The following ADCY1 variants were observed in gnomAD, a reference collection of about 807,000 sequenced individuals.
ADCY1 encodes adenylate cyclase type 1.
ADCY1 carries 28 observed loss-of-function variants against 105.4 expected under a neutral mutation model. That is an observed-to-expected ratio of 0.27 (90% CI 0.20 to 0.36). ADCY1 has a LOEUF of 0.36. Ranked by LOEUF, ADCY1 falls within the 10% of genes least tolerant of loss-of-function variation. The pLI is 1.00. For missense variants in ADCY1, 977 were observed against 1,434.2 expected, an observed-to-expected ratio of 0.68 and a Z score of 5.15; for synonymous variants, 655 against 623.8, an observed-to-expected ratio of 1.05 and a Z score of -0.75.
At chr7:45,664,771 T>A (rs1795225518) in intron 8 of ADCY1, 1 of 189,612 alleles carries the variant, frequency 5.3e-6, no homozygotes, top group African/African-American at 2.3e-5. Context: ...GATTTTTTGG[T>A]CCTTATTTTA....
chr7:45,622,881 C>G lies in ADCY1; in HGVS notation c.1020+138C>G, dbSNP rs982356829. 4 of 693,008 alleles carry G rather than the reference C, an allele frequency of 5.8e-6. No individual in the cohort carries two copies. The African/African-American group carries it at 7.1e-5, about 12-fold the overall frequency. 42.9% of individuals were successfully genotyped at this position (693,008 alleles called of 1,614,324 possible). A position where few individuals can be genotyped will look rare whatever the true frequency, so the allele number is the denominator to read the frequency against. ...TTCTTCCAGCAAGGTTATAAATCACCTGTTGTTTTTAGCCTCACTGTTCAT... is the reference window on the plus strand; with the variant it reads ...TTCTTCCAGCAAGGTTATAAATCACGTGTTGTTTTTAGCCTCACTGTTCAT... On this transcript the variant is annotated intron_variant, in intron 4 of 19. Coordinates refer to ENST00000297323, the MANE Select transcript of ADCY1 (RefSeq NM_021116.4).
At chr7:45,694,132 AAAAAACAC>A (rs1480757047) in intron 14 of ADCY1, among the ~76,000 whole-genome samples, 1 of 150,978 alleles carries the variant, frequency 6.6e-6, no homozygotes, top group Admixed American at 6.6e-5. Context: ...AAAAAAAAAA[AAAAAACAC>A]TGTCAACCAA....
At position 45,722,818 on chromosome 7, in the gene ADCY1, C is replaced by G. The variant is rs1169542424; in HGVS notation, c.*8823C>G. The G allele has an allele frequency of 6.6e-6, 1 of 152,574 alleles. No individual in the cohort carries two copies. The highest frequency in any genetic ancestry group is 2.4e-5 in the African/African-American group (1 of 41,414). The allele number at this position is 152,574 out of a possible 1,614,324, so 9.5% of individuals were successfully genotyped here. A position where few individuals can be genotyped will look rare whatever the true frequency, so the allele number is the denominator to read the frequency against. On this transcript the variant is annotated 3_prime_UTR_variant, in exon 20 of 20. Transcript: ENST00000297323. ...AAGTGAGAAACACGATGAGTACATT[C>G]AGAATTACAATAACTCACTCTCACT...
upstream of ADCY1, chr7:45,574,245 G>A: frequency 2.8e-6 from 2 of 714,200 alleles, no homozygotes; most frequent in Non-Finnish European, 3.4e-6. This position sits in a 1 kb window ranked among gnomAD's most constrained non-coding sequence, Gnocchi z 7.0. Flanking sequence ...CGGAGTTGGG[G>A]CGCGGGCTGT....
intron 8 of ADCY1, among the ~76,000 whole-genome samples, chr7:45,674,342 C>G (rs952562540): frequency 6.6e-6 from 1 of 151,958 alleles, no homozygotes; most frequent in East Asian, 1.9e-4. Flanking sequence ...GTTGACATCT[C>G]CAACTATAAT....
chr7:45,703,544 AC>A lies in ADCY1; in HGVS notation c.2572-52del. 6.2e-7 allele frequency: 1 copy of A among 1,612,374 alleles called. No individual in the cohort carries two copies. Among genetic ancestry groups the A allele is most frequent in the Non-Finnish European group, 8.5e-7 (1 of 1,178,842 alleles). ...GCACTAGCCCTACACTGCTCTGGCC[AC>A]CCCACTTGGCGCTCACCTGGCTGAC... On this transcript the variant is annotated intron_variant, in intron 15 of 19. Coordinates refer to ENST00000297323, the MANE Select transcript of ADCY1 (RefSeq NM_021116.4). This position sits in a 1 kb window ranked among gnomAD's most constrained non-coding sequence, Gnocchi z 5.9.
chr7:45,711,656 CGT>C (rs1785237243), intron 19 of ADCY1, among the ~76,000 whole-genome samples: 2 of 125,448 alleles, frequency 1.6e-5, no homozygotes, highest in African/African-American at 3.0e-5. Context: ...CACACACACA[CGT>C]ATGTATACAC....
intron 14 of ADCY1, among the ~76,000 whole-genome samples, chr7:45,690,325 G>A (rs1448632895): frequency 6.6e-6 from 1 of 152,132 alleles, no homozygotes; most frequent in African/African-American, 2.4e-5. Context: ...TGAAAGACAG[G>A]GGCAGGCACA....
intron 2 of ADCY1, among the ~76,000 whole-genome samples, chr7:45,595,612 A>G (rs1225550328): frequency 6.6e-6 from 1 of 152,190 alleles, no homozygotes; most frequent in Non-Finnish European, 1.5e-5. Context: ...TATAACAGAG[A>G]CACTGATGCC....
chr7:45,676,043 G>GT (rs1282165575), intron 8 of ADCY1, among the ~76,000 whole-genome samples: 24 of 138,786 alleles, frequency 1.7e-4, no homozygotes, highest in East Asian at 1.1e-3. Flanking sequence ...CAAAGGCTCT[G>GT]TTTTGTTTTT....
chr7:45,670,592 C>T (rs1051928324), intron 8 of ADCY1, among the ~76,000 whole-genome samples: 3 of 152,004 alleles, frequency 2.0e-5, no homozygotes, highest in Admixed American at 6.6e-5. Flanking sequence ...TCCATCATTC[C>T]GTGACCTGAG....
intron 7 of ADCY1, among the ~76,000 whole-genome samples, chr7:45,661,756 T>C (rs894866050): frequency 6.6e-6 from 1 of 152,196 alleles, no homozygotes; most frequent in Non-Finnish European, 1.5e-5. Context: ...CTGGTTGTCT[T>C]TCCTGACCAG....
chr7:45,703,653 C>T lies in ADCY1; in HGVS notation c.2625C>T (p.Pro875=), dbSNP rs1785046383. ...TGGGCGTCATGTTTGCCTCCATCCC[C>T]AACTTCAATGACTTCTACATCGAGC... ...SQVGVMFASI[P]NFNDFYIELD... Residue 875 remains proline (P), a synonymous_variant, in exon 16 of 20, where the codon CCC becomes CCT. Coordinates refer to ENST00000297323, the MANE Select transcript of ADCY1 (RefSeq NM_021116.4). This position sits in a 1 kb window ranked among gnomAD's most constrained non-coding sequence, Gnocchi z 5.9. 3 of 1,613,356 alleles carry T rather than the reference C, an allele frequency of 1.9e-6. 1 individual carries two copies. In the African/African-American group the frequency reaches 4.0e-5, roughly 22 times the overall value.
chr7:45,620,201 A>G (rs1001285106), intron 3 of ADCY1, among the ~76,000 whole-genome samples: 2 of 152,354 alleles, frequency 1.3e-5, no homozygotes, highest in East Asian at 1.9e-4. Context: ...AGTCGAAATC[A>G]TAGAATTAAA....
Position 45,685,076 on chromosome 7 carries a change from T to C in ADCY1, c.2073+8T>C. On this transcript the variant is annotated splice_region_variant and intron_variant, in intron 12 of 19. Coordinates refer to ENST00000297323, the MANE Select transcript of ADCY1 (RefSeq NM_021116.4). ...GTAGCCCAAGGTTGTGTGGTGAGCATCTCCAGCTTGTGGCATGCGCTGGGG... is the reference window on the plus strand; with the variant it reads ...GTAGCCCAAGGTTGTGTGGTGAGCACCTCCAGCTTGTGGCATGCGCTGGGG... 2 of 1,612,288 alleles carry C rather than the reference T, an allele frequency of 1.2e-6. No homozygotes were observed. Among genetic ancestry groups the C allele is most frequent in the Non-Finnish European group, 1.7e-6 (2 of 1,178,340 alleles).
rs1784667625 is a variant in ADCY1, at chr7:45,686,098, G to T, written c.2210G>T (p.Gly737Val). The T allele has an allele frequency of 6.2e-7, 1 of 1,613,974 alleles. No individual in the cohort carries two copies. Among genetic ancestry groups the T allele is most frequent in the Non-Finnish European group, 8.5e-7 (1 of 1,180,004 alleles). The change falls in exon 13 of 20, where the codon GGC becomes GTC. Residue 737 changes from glycine (G) to valine (V), a missense_variant. This residue lies in a region of ADCY1 where 275 missense variants were observed against 362.1 expected (regional missense o/e 0.76). Transcript: ENST00000297323. The surrounding 1 kb of genome is among the most constrained non-coding windows in gnomAD (Gnocchi z 4.3). ...CATGCCCTGCTCTGCTGCCTGGTGG[G>T]CACCCTCCCGCTAGCCATATTTTTC... ...THHALLCCLV[G>V]TLPLAIFFRV...
Position 45,610,570 on chromosome 7 carries a change from G to T in ADCY1, c.908+73G>T, listed in dbSNP as rs1584267761. 17 of 1,358,288 alleles carry T rather than the reference G, an allele frequency of 1.3e-5. 1 individual carries two copies. In the South Asian group the frequency reaches 1.9e-4, roughly 15 times the overall value. 84.1% of individuals were successfully genotyped at this position (1,358,288 alleles called of 1,614,324 possible). A position where few individuals can be genotyped will look rare whatever the true frequency, so the allele number is the denominator to read the frequency against. On this transcript the variant is annotated intron_variant, in intron 3 of 19. Coordinates refer to ENST00000297323, the MANE Select transcript of ADCY1 (RefSeq NM_021116.4). ...GTGTGGAGATAATGGTGAAGGTGGG[G>T]AGGTGATGACAGAAGTGGGGAAGGG...
intron 4 of ADCY1, among the ~76,000 whole-genome samples, chr7:45,629,670 C>T (rs1399729926): frequency 2.0e-5 from 3 of 152,212 alleles, no homozygotes; most frequent in African/African-American, 7.2e-5. Flanking sequence ...AGGCGCCCGC[C>T]ACTGCGCCCG....
Position 45,721,848 on chromosome 7 carries a change from A to T in ADCY1, c.*7853A>T, listed in dbSNP as rs1206938403. The T allele has an allele frequency of 2.5e-6, 1 of 398,520 alleles. No individual in the cohort carries two copies. The highest frequency in any genetic ancestry group is 1.3e-4 in the South Asian group (1 of 7,862). The allele number at this position is 398,520 out of a possible 1,614,324, so 24.7% of individuals were successfully genotyped here. A position where few individuals can be genotyped will look rare whatever the true frequency, so the allele number is the denominator to read the frequency against. On this transcript the variant is annotated 3_prime_UTR_variant, in exon 20 of 20. Coordinates refer to ENST00000297323, the MANE Select transcript of ADCY1 (RefSeq NM_021116.4). ...TACCGGGCGGTTCAGACCTTCAAAT[A>T]GGTTGCTTTCAAAAGAGCTTTCAGG...
Sources: gnomAD v4.1 joint callset for allele counts (sites outside exome capture counted in the v4.1 genomes callset) on GRCh38, gnomAD v4.1.1 for gene constraint, gnomAD v4.1.1 regional missense constraint, Gnocchi (gnomAD v3.1) non-coding constraint, MANE v1.5 for transcripts, NCBI Gene and HGNC (gene_info 2026-07-23, HGNC 2026-07-21) for gene names.